ACAP2: variants seen among roughly 807,000 people sequenced by gnomAD.
ACAP2 encodes arf-GAP with coiled-coil, ANK repeat and PH domain-containing protein 2.
A neutral mutation model predicts 115.8 loss-of-function variants in ACAP2; 39 were observed. The observed-to-expected ratio is 0.34, with a 90% confidence interval of 0.26 to 0.44. ACAP2 has a LOEUF of 0.44. Among genes scored for constraint, ACAP2 ranks in the 20% least tolerant of loss-of-function variants. ACAP2 has a pLI of 1.00. For synonymous variants in ACAP2, 289 were observed against 315.8 expected (o/e 0.92, Z 0.90); for missense variants, 662 against 927.6 (o/e 0.71, Z 3.72).
chr3:195,315,013 G>A (rs1728996372), intron 10 of ACAP2, among the ~76,000 whole-genome samples: 1 of 152,168 alleles, frequency 6.6e-6, no homozygotes, highest in Non-Finnish European at 1.5e-5. Flanking sequence ...CACAAGGTTT[G>A]GACTTTCACT....
chr3:195,389,835 T>A (rs754009812), intron 2 of ACAP2, among the ~76,000 whole-genome samples: 6 of 152,228 alleles, frequency 3.9e-5, no homozygotes, highest in Non-Finnish European at 8.8e-5. Context: ...CCTTTCCCAG[T>A]GGCAGGTGCT....
At chr3:195,366,527 T>A (rs1209260637) in intron 4 of ACAP2, among the ~76,000 whole-genome samples, 2 of 152,100 alleles carry the variant, frequency 1.3e-5, no homozygotes, top group Non-Finnish European at 2.9e-5. Flanking sequence ...AACTATAGAA[T>A]CGCTAGAACC....
chr3:195,333,167 A>G, intron 7 of ACAP2, 44 bp from the exon 8 acceptor site: 3 of 1,053,610 alleles, frequency 2.8e-6, no homozygotes, highest in Non-Finnish European at 4.2e-6. Flanking sequence ...CTATTCCTAG[A>G]TAGACATTCT....
At chr3:195,338,838 C>T (rs1386203308) in intron 6 of ACAP2, among the ~76,000 whole-genome samples, 1 of 151,862 alleles carries the variant, frequency 6.6e-6, no homozygotes, top group Non-Finnish European at 1.5e-5. Flanking sequence ...TTTAATATGT[C>T]CTTCCCACTG....
chr3:195,354,812 T>C (rs1577347446), intron 4 of ACAP2, among the ~76,000 whole-genome samples: 1 of 152,234 alleles, frequency 6.6e-6, no homozygotes, highest in Non-Finnish European at 1.5e-5. Context: ...TCTATACACT[T>C]GAATAGAATG....
chr3:195,403,497 G>T (rs549074373), intron 1 of ACAP2, among the ~76,000 whole-genome samples: 1 of 152,330 alleles, frequency 6.6e-6, no homozygotes, highest in Admixed American at 6.5e-5. Flanking sequence ...CAGTCATCCA[G>T]ATGAAAGATG....
Position 195,302,138 on chromosome 3 carries a change from G to C in ACAP2, c.1153C>G (p.Leu385Val), listed in dbSNP as rs2108965651. ...TCTTTGGACTCATTTCCAGAATCTA[G>C]GCTTCCTGTGGATGGAGATGATTTC... ...DKKSSPSTGS[L>V]DSGNESKEKL... The change falls in exon 14 of 23, where the codon CTA (leucine) becomes GTA (valine). Residue 385 changes from leucine to valine, a missense_variant. Transcript: ENST00000326793. 6.2e-7 allele frequency: 1 copy of C among 1,613,806 alleles called. No individual in the cohort carries two copies.
chr3:195,414,875 A>G (rs554750857), intron 1 of ACAP2, among the ~76,000 whole-genome samples: 32 of 152,332 alleles, frequency 2.1e-4, no homozygotes, highest in Non-Finnish European at 2.6e-4. Flanking sequence ...AAAGACGCCA[A>G]TCTTTAAAAG....
intron 4 of ACAP2, among the ~76,000 whole-genome samples, chr3:195,363,692 G>A (rs549806970): frequency 1.3e-4 from 20 of 151,424 alleles, no homozygotes; most frequent in Non-Finnish European, 2.4e-4. Flanking sequence ...GAACAAAACT[G>A]AAGAAATCAC....
At chr3:195,294,602 AAAAAAATTATAT>A (rs1727505318) in intron 18 of ACAP2, 105 bp downstream of exon 18, 2 of 72,272 alleles carry the variant, frequency 2.8e-5, no homozygotes, top group Non-Finnish European at 2.5e-5. Flanking sequence ...GAAAAAAAAA[AAAAAAATTATAT>A]ATATATATAT....
intron 8 of ACAP2, among the ~76,000 whole-genome samples, chr3:195,332,595 C>CA (rs1372621933): frequency 1.3e-5 from 2 of 152,154 alleles, no homozygotes; most frequent in South Asian, 2.1e-4. Flanking sequence ...GCTGTGTCCC[C>CA]ACCCAAAATC....
intron 15 of ACAP2, among the ~76,000 whole-genome samples, chr3:195,299,620 C>T (rs1253146468): frequency 3.3e-5 from 5 of 151,478 alleles, no homozygotes; most frequent in Admixed American, 6.6e-5. Context: ...GGGTGGATCA[C>T]GAGGTCAGGA....
At chr3:195,300,107 T>C (rs982075947) in intron 15 of ACAP2, among the ~76,000 whole-genome samples, 1 of 148,536 alleles carries the variant, frequency 6.7e-6, no homozygotes, top group African/African-American at 2.5e-5. Flanking sequence ...AGTGCAGTGG[T>C]GCGATCTCGG....
chr3:195,433,501 G>A (rs1715298464), intron 1 of ACAP2, among the ~76,000 whole-genome samples: 1 of 152,140 alleles, frequency 6.6e-6, no homozygotes, highest in Non-Finnish European at 1.5e-5. Flanking sequence ...GAACAGAAGT[G>A]GTGACAGGCT....
At chr3:195,379,137 G>A (rs1332739212) in intron 4 of ACAP2, among the ~76,000 whole-genome samples, 1 of 151,908 alleles carries the variant, frequency 6.6e-6, no homozygotes, top group East Asian at 1.9e-4. Context: ...TCAACAGAAG[G>A]CAAAAAGAAA....
At chr3:195,370,666 C>G (rs1227545236) in intron 4 of ACAP2, among the ~76,000 whole-genome samples, 1 of 152,110 alleles carries the variant, frequency 6.6e-6, no homozygotes, top group African/African-American at 2.4e-5. Context: ...AGTTTGAAGT[C>G]TGGGCCAGGT....
rs370263101 is a variant in ACAP2, at chr3:195,290,849, T to TAATAAATA, written c.2063+849_2063+856dup. ...ATAAATAAATAAATAAATAAATAAA[T>TAATAAATA]AATAAATAAATAAATAAATAAATAA... On this transcript the variant is annotated intron_variant, in intron 20 of 22. Transcript: ENST00000326793. 4.9e-3 allele frequency among the ~76,000 whole-genome samples: 660 copies of TAATAAATA among 134,182 alleles called. 4 individuals are homozygous for TAATAAATA. The highest frequency in any genetic ancestry group is 0.015 in the Admixed American group (200 of 12,994). The allele number at this position is 134,182 out of a possible 152,430, so 88.0% of individuals were successfully genotyped here.
chr3:195,288,854 G>A (rs72611104), intron 21 of ACAP2, among the ~76,000 whole-genome samples: 7,252 of 152,184 alleles, frequency 0.048, 265 homozygotes, highest in South Asian at 0.15. Context: ...CTCAAAAATA[G>A]ATACATAAAT....
At chr3:195,389,159 G>T (rs1469835232) in intron 2 of ACAP2, among the ~76,000 whole-genome samples, 1 of 152,122 alleles carries the variant, frequency 6.6e-6, no homozygotes, top group Admixed American at 6.5e-5. Flanking sequence ...TGTCTTGGTA[G>T]CCCTTTGGGT....
Sources: allele counts gnomAD v4.1 joint callset (sites outside exome capture counted in the v4.1 genomes callset), GRCh38; gene constraint gnomAD v4.1.1; transcripts MANE v1.5; gene names NCBI Gene and HGNC (gene_info 2026-07-23, HGNC 2026-07-21).